Variants in PCDHGB1 observed in about 807,000 individuals in gnomAD.
PCDHGB1 encodes the protein protocadherin gamma-B1.
PCDHGB1 carries 34 observed loss-of-function variants against 56.6 expected under a neutral mutation model. That is an observed-to-expected ratio of 0.60 (90% CI 0.46 to 0.80). The LOEUF is 0.80. PCDHGB1 is among the 30% of genes least tolerant of loss of function. The pLI, the probability that PCDHGB1 is intolerant of heterozygous loss-of-function variation, is 0.00. For synonymous variants in PCDHGB1, 561 were observed against 505.9 expected (o/e 1.11, Z -1.46); for missense variants, 1,278 against 1,204.6 (o/e 1.06, Z -0.90).
In PCDHGB1 at chr5:141,432,725, G is replaced by T; in HGVS notation, c.2410-62082G>T. The T allele has an allele frequency of 6.2e-7, 1 of 1,614,014 alleles. No individual in the cohort carries two copies. On this transcript the variant is annotated intron_variant, in intron 1 of 3. Coordinates refer to ENST00000523390, the MANE Select transcript of PCDHGB1 (RefSeq NM_018922.3). The surrounding 1 kb of genome is among the most constrained non-coding windows in gnomAD (Gnocchi z 6.0). ...GGACCACGGCCAGCCCCCTCTCTCC[G>T]CCACTGTCACGCTCACCGTGGCCGT...
rs115607451 is a variant in PCDHGB1, at chr5:141,508,636, A to C, written c.2558-2311A>C. Among the ~76,000 whole-genome samples, 998 of 151,746 alleles carry C rather than the reference A, an allele frequency of 6.6e-3. 12 individuals are homozygous for C. The highest frequency in any genetic ancestry group is 0.023 in the African/African-American group (958 of 41,372). ...ACGTGGGTGGGCCGAGCTTCTAGCT[A>C]CTCCGTCAGGCCCTTCCTGTCATTC... On this transcript the variant is annotated intron_variant, in intron 3 of 3. Transcript: ENST00000523390.
rs1188941232 is a variant in PCDHGB1, at chr5:141,512,270, G to A, written c.*1097G>A. ...TCTGTGGGTGCTGGGTACTCCAGAG[G>A]TGCCACTGGTGGAAGGGTCAGCGGA... On this transcript the variant is annotated 3_prime_UTR_variant, in exon 4 of 4. Coordinates refer to ENST00000523390, the MANE Select transcript of PCDHGB1 (RefSeq NM_018922.3). The A allele has an allele frequency of 1.3e-5, 2 of 152,714 alleles. No individual in the cohort carries two copies. The highest frequency in any genetic ancestry group is 2.9e-5 in the Non-Finnish European group (2 of 68,100). The allele number at this position is 152,714 out of a possible 1,614,324, so 9.5% of individuals were successfully genotyped here.
rs373516334 is a variant in PCDHGB1 at position 141,414,175 on chromosome 5, A to G, written c.2409+61506A>G. On this transcript the variant is annotated intron_variant, in intron 1 of 3. Transcript: ENST00000523390. ...AGAAGATGGAGGAGCATATCTTGCA[A>G]CTGCAAAAGTGTTGATTACAGTAGA... 1.6e-5 allele frequency: 25 copies of G among 1,607,698 alleles called. No homozygotes were observed. The highest frequency in any genetic ancestry group is 1.3e-4 in the South Asian group (12 of 90,242).
intron 2 of PCDHGB1, among the ~76,000 whole-genome samples, chr5:141,495,507 C>T (rs1380258502): frequency 6.6e-6 from 1 of 152,188 alleles, no homozygotes; most frequent in African/African-American, 2.4e-5. Context: ...TCCGTCTTTG[C>T]CACTTTCTCT....
intron 1 of PCDHGB1, among the ~76,000 whole-genome samples, chr5:141,436,383 G>C (rs1374382672): frequency 6.6e-6 from 1 of 152,104 alleles, no homozygotes; most frequent in Admixed American, 6.5e-5. Context: ...AGCTGAATAG[G>C]CTTTATTAAA....
intron 1 of PCDHGB1, chr5:141,389,451 C>T: frequency 6.2e-7 from 1 of 1,610,536 alleles, no homozygotes; most frequent in South Asian, 1.1e-5. Context: ...CCACGAGCAG[C>T]TGCGCGCCTT....
At chr5:141,447,082 T>C (rs1259827606) in intron 1 of PCDHGB1, among the ~76,000 whole-genome samples, 3 of 152,156 alleles carry the variant, frequency 2.0e-5, no homozygotes, top group Non-Finnish European at 2.9e-5. Context: ...ATTTTTGTTG[T>C]TTAATTTTCT....
intron 1 of PCDHGB1, among the ~76,000 whole-genome samples, chr5:141,448,422 T>C (rs1561930551): frequency 3.9e-5 from 6 of 152,150 alleles, no homozygotes; most frequent in Admixed American, 3.3e-4. Flanking sequence ...CAATATACTA[T>C]GTATATATTG....
chr5:141,501,314 C>G, intron 2 of PCDHGB1, among the ~76,000 whole-genome samples: 1 of 151,728 alleles, frequency 6.6e-6, no homozygotes, highest in Non-Finnish European at 1.5e-5. Flanking sequence ...CACACACACA[C>G]ACACACACAC....
chr5:141,376,269 G>A, intron 1 of PCDHGB1: 2 of 1,614,224 alleles, frequency 1.2e-6, no homozygotes, highest in South Asian at 1.1e-5. Context: ...CAGGCTTCGG[G>A]AGGTGGCTTA....
intron 1 of PCDHGB1, among the ~76,000 whole-genome samples, chr5:141,439,530 C>T (rs1003383726): frequency 6.6e-6 from 1 of 152,180 alleles, no homozygotes; most frequent in Non-Finnish European, 1.5e-5. Flanking sequence ...CTCTACAGAA[C>T]GCTGTCCTCT....
intron 1 of PCDHGB1, among the ~76,000 whole-genome samples, chr5:141,447,898 C>T (rs531933709): frequency 3.1e-3 from 465 of 152,088 alleles, no homozygotes; most frequent in Non-Finnish European, 5.5e-3. Context: ...CCAGCCTGGC[C>T]AACATGGTGA....
intron 1 of PCDHGB1, among the ~76,000 whole-genome samples, chr5:141,445,447 A>C (rs974383838): frequency 6.6e-6 from 1 of 152,222 alleles, no homozygotes; most frequent in Non-Finnish European, 1.5e-5. Flanking sequence ...TGGACTAAGG[A>C]TGCAGCAATG....
rs187307897 is a variant in PCDHGB1 at position 141,505,900 on chromosome 5, A to G, written c.2557+419A>G. 2.6e-4 allele frequency among the ~76,000 whole-genome samples: 39 copies of G among 152,296 alleles called. 1 individual carries two copies. In the East Asian group the frequency reaches 6.8e-3, roughly 26 times the overall value. ...TGTAGAGATTAAATGAGATGATACCACAAAGCATAGAGTTCTGGGCCTGGC... is the reference window on the plus strand; with the variant it reads ...TGTAGAGATTAAATGAGATGATACCGCAAAGCATAGAGTTCTGGGCCTGGC... On this transcript the variant is annotated intron_variant, in intron 3 of 3. Transcript: ENST00000523390.
In PCDHGB1 at chr5:141,432,690, T is replaced by A. The variant is rs764124373; in HGVS notation, c.2410-62117T>A. 5.0e-6 allele frequency: 8 copies of A among 1,613,854 alleles called. No individual in the cohort carries two copies. The highest frequency in any genetic ancestry group is 2.7e-5 in the African/African-American group (2 of 74,940). ...GACGCGCTCAAGCAGAGCCTCGTAGTGGCCGTCCAGGACCACGGCCAGCCC... is the reference window on the plus strand; with the variant it reads ...GACGCGCTCAAGCAGAGCCTCGTAGAGGCCGTCCAGGACCACGGCCAGCCC... On this transcript the variant is annotated intron_variant, in intron 1 of 3. Coordinates refer to ENST00000523390, the MANE Select transcript of PCDHGB1 (RefSeq NM_018922.3). This position sits in a 1 kb window ranked among gnomAD's most constrained non-coding sequence, Gnocchi z 6.0.
intron 1 of PCDHGB1, chr5:141,356,089 C>T (rs1490232734): frequency 1.2e-6 from 2 of 1,613,748 alleles, no homozygotes; most frequent in Admixed American, 3.3e-5. Context: ...GTTGAATTCT[C>T]TGAGTGGGGA....
intron 1 of PCDHGB1, among the ~76,000 whole-genome samples, chr5:141,436,162 G>A (rs1036923915): frequency 2.6e-5 from 4 of 152,142 alleles, no homozygotes; most frequent in African/African-American, 7.2e-5. Flanking sequence ...TTTATCATAT[G>A]GACAGTTCTC....
At chr5:141,453,058 G>C (rs2098754889) in intron 1 of PCDHGB1, among the ~76,000 whole-genome samples, 2 of 152,076 alleles carry the variant, frequency 1.3e-5, no homozygotes, top group Admixed American at 1.3e-4. Flanking sequence ...TGCAGTTTTA[G>C]AGTTTTGCCA....
intron 1 of PCDHGB1, chr5:141,420,053 T>C (rs1178680836): frequency 3.1e-6 from 5 of 1,613,970 alleles, no homozygotes; most frequent in Non-Finnish European, 2.5e-6. Context: ...GTCAGTTCTC[T>C]GCTCCAAGTC....
Sources: allele counts gnomAD v4.1 joint callset (sites outside exome capture counted in the v4.1 genomes callset), GRCh38; gene constraint gnomAD v4.1.1; non-coding constraint Gnocchi (gnomAD v3.1); transcripts MANE v1.5; gene names NCBI Gene and HGNC (gene_info 2026-07-23, HGNC 2026-07-21).